NELL1: variants seen among roughly 807,000 people sequenced by gnomAD.
NELL1 encodes the protein neural EGFL like 1.
In NELL1, 76 loss-of-function variants were observed where a neutral mutation model predicts 107.4. The observed-to-expected ratio is 0.71, with a 90% CI of 0.59 to 0.86. The LOEUF is 0.86. NELL1 is among the 40% of genes least tolerant of loss of function. The pLI, the probability that NELL1 is intolerant of heterozygous loss-of-function variation, is 0.00. For missense variants in NELL1, 1,024 were observed against 1,005.5 expected (o/e 1.02, Z -0.25); for synonymous variants, 353 against 341.2 (o/e 1.03, Z -0.38).
At chr11:20,931,682 A>G (rs1368965073) in intron 9 of NELL1, among the ~76,000 whole-genome samples, 1 of 152,158 alleles carries the variant, frequency 6.6e-6, no homozygotes, top group Admixed American at 6.6e-5. Context: ...TATTGTTTGG[A>G]TTGGATCATT....
chr11:21,516,416 C>T (rs913097377), intron 15 of NELL1, among the ~76,000 whole-genome samples: 1 of 151,942 alleles, frequency 6.6e-6, no homozygotes, highest in Non-Finnish European at 1.5e-5. Flanking sequence ...TGTGTAGTTA[C>T]CCATTGCTTA....
chr11:20,901,561 A>ATT (rs11375119), intron 5 of NELL1, among the ~76,000 whole-genome samples: 36,463 of 147,134 alleles, frequency 0.25, 5,568 homozygotes, highest in African/African-American at 0.41. Flanking sequence ...TCCCAAGAGG[A>ATT]TTTTTTTTTT....
intron 12 of NELL1, among the ~76,000 whole-genome samples, chr11:20,973,101 CTTTTTTT>C (rs761894107): frequency 1.4e-4 from 13 of 92,500 alleles, no homozygotes; most frequent in East Asian, 6.8e-4. Flanking sequence ...ATCTTCATTA[CTTTTTTT>C]TTTTTTTTTT....
chr11:20,732,159 C>T (rs1342951798), intron 2 of NELL1, among the ~76,000 whole-genome samples: 1 of 151,890 alleles, frequency 6.6e-6, no homozygotes, highest in Non-Finnish European at 1.5e-5. Context: ...AGGAGGTATT[C>T]TGGAGGAATG....
chr11:21,162,779 G>C (rs546556986), intron 13 of NELL1, among the ~76,000 whole-genome samples: 4 of 152,110 alleles, frequency 2.6e-5, no homozygotes, highest in Non-Finnish European at 5.9e-5. Context: ...GCCACCTTTT[G>C]CATACTATGG....
Position 21,141,519 on chromosome 11 carries a change from A to G in NELL1, c.1426+27805A>G, listed in dbSNP as rs116033030. Among the ~76,000 whole-genome samples the G allele has an allele frequency of 8.2e-3, 1,243 of 152,246 alleles. 15 individuals are homozygous for G. Among genetic ancestry groups the G allele is most frequent in the African/African-American group, 0.026 (1,075 of 41,530 alleles). ...TCCCTACCCTAGTAGTCCCATCTCT[A>G]CTAGAGATGTGGTCAAGATAAATTA... On this transcript the variant is annotated intron_variant, in intron 13 of 19. Coordinates refer to ENST00000357134, the MANE Select transcript of NELL1 (RefSeq NM_006157.5).
At chr11:21,560,485 C>T in intron 17 of NELL1, 103 bp downstream of exon 17, 1 of 1,021,926 alleles carries the variant, frequency 9.8e-7, no homozygotes, top group Non-Finnish European at 1.4e-6. Context: ...ACTGTAGTTC[C>T]TGAACAGGCT....
rs190224606 is a variant in NELL1 at position 21,386,857 on chromosome 11, A to T, written c.1645+15909A>T. Reference sequence around the variant, plus strand: ...ACCAATACTTCCCTAGTCTCTGAAAATTAGAGTCAGAATGGTGAAGGAACC... The same window carrying T: ...ACCAATACTTCCCTAGTCTCTGAAATTTAGAGTCAGAATGGTGAAGGAACC... On this transcript the variant is annotated intron_variant, in intron 15 of 19. Coordinates refer to ENST00000357134, the MANE Select transcript of NELL1 (RefSeq NM_006157.5). Among the ~76,000 whole-genome samples, 23 of 152,018 alleles carry T rather than the reference A, an allele frequency of 1.5e-4. No individual in the cohort carries two copies. In the East Asian group the frequency reaches 2.0e-3, roughly 13 times the overall value.
chr11:21,407,770 T>G (rs1188575123), intron 15 of NELL1, among the ~76,000 whole-genome samples: 1 of 151,580 alleles, frequency 6.6e-6, no homozygotes, highest in Non-Finnish European at 1.5e-5. Context: ...AGTTACTAAT[T>G]ATTTCTTCGA....
At chr11:21,127,947 T>G (rs1452205448) in intron 13 of NELL1, among the ~76,000 whole-genome samples, 1 of 152,204 alleles carries the variant, frequency 6.6e-6, no homozygotes, top group Non-Finnish European at 1.5e-5. Flanking sequence ...CATTTGTTTT[T>G]AACAGATGCA....
At chr11:20,984,851 T>C (rs1226782954) in intron 12 of NELL1, among the ~76,000 whole-genome samples, 1 of 152,148 alleles carries the variant, frequency 6.6e-6, no homozygotes, top group African/African-American at 2.4e-5. Context: ...GACTAGATGA[T>C]TAAATTTCTT....
intron 2 of NELL1, among the ~76,000 whole-genome samples, chr11:20,743,733 G>C (rs1269742763): frequency 2.6e-5 from 4 of 152,046 alleles, no homozygotes; most frequent in Non-Finnish European, 4.4e-5. Flanking sequence ...CACCTCTTCA[G>C]GTGCTCTCTG....
At chr11:20,867,824 A>G (rs974157508) in intron 4 of NELL1, among the ~76,000 whole-genome samples, 6 of 152,168 alleles carry the variant, frequency 3.9e-5, no homozygotes, top group African/African-American at 1.4e-4. Context: ...CAGAGGAGCA[A>G]CCAATCAAAT....
chr11:21,066,411 G>A (rs945311390), intron 12 of NELL1, among the ~76,000 whole-genome samples: 1 of 151,952 alleles, frequency 6.6e-6, no homozygotes, highest in East Asian at 1.9e-4. Context: ...CTTTATTTTT[G>A]TTTTAAATAC....
chr11:21,460,292 G>T (rs1853867768), intron 15 of NELL1, among the ~76,000 whole-genome samples: 1 of 152,028 alleles, frequency 6.6e-6, no homozygotes, highest in African/African-American at 2.4e-5. Context: ...AGGAATAAAG[G>T]ATATGACTCA....
chr11:21,098,380 C>T (rs1008488886), intron 12 of NELL1, among the ~76,000 whole-genome samples: 4 of 152,112 alleles, frequency 2.6e-5, no homozygotes, highest in South Asian at 2.1e-4. Context: ...TTCTTATTAA[C>T]GGTGAAAGGC....
At chr11:21,028,894 A>G (rs975761340) in intron 12 of NELL1, among the ~76,000 whole-genome samples, 2 of 152,162 alleles carry the variant, frequency 1.3e-5, no homozygotes, top group African/African-American at 4.8e-5. Flanking sequence ...TGCCCTTAAA[A>G]GTTTATAACC....
Position 21,560,236 on chromosome 11 carries a change from G to A in NELL1, c.1834G>A (p.Ala612Thr). 1.2e-6 allele frequency: 2 copies of A among 1,613,726 alleles called. No individual in the cohort carries two copies. The highest frequency in any genetic ancestry group is 1.7e-6 in the Non-Finnish European group (2 of 1,179,746). ...AACTCACACCTGTTGGAACGATTCTGCCTGCATCAACCTGGCAGGGGGCTT... is the reference window on the plus strand; with the variant it reads ...AACTCACACCTGTTGGAACGATTCTACCTGCATCAACCTGGCAGGGGGCTT... ...LRTHTCWNDS[A>T]CINLAGGFDC... is the part of the protein sequence containing the mutation. Residue 612 changes from alanine (A) to threonine (T), a missense_variant, in exon 17 of 20, where the codon GCC (alanine) becomes ACC (threonine). Coordinates refer to ENST00000357134, the MANE Select transcript of NELL1 (RefSeq NM_006157.5).
At chr11:21,439,693 G>A (rs2133844026) in intron 15 of NELL1, among the ~76,000 whole-genome samples, 1 of 152,230 alleles carries the variant, frequency 6.6e-6, no homozygotes, top group South Asian at 2.1e-4. Flanking sequence ...GAGCATCCCA[G>A]CTTCACGCCA....
Sources: gnomAD v4.1 joint callset for allele counts (sites outside exome capture counted in the v4.1 genomes callset) on GRCh38, gnomAD v4.1.1 for gene constraint, MANE v1.5 for transcripts, NCBI Gene and HGNC (gene_info 2026-07-23, HGNC 2026-07-21) for gene names.